The following TRPM4 variants were observed in gnomAD, a reference collection of about 807,000 sequenced individuals.
The protein encoded by TRPM4 is transient receptor potential cation channel subfamily M member 4.
A neutral mutation model predicts 135.6 loss-of-function variants in TRPM4; 124 were observed. That is an observed-to-expected ratio of 0.91 (90% confidence interval 0.79 to 1.06). The LOEUF (loss-of-function observed/expected upper bound fraction) is 1.06, where lower values mean the gene tolerates loss of function less well. Among genes scored for constraint, TRPM4 ranks in the 50% least tolerant of loss-of-function variants. TRPM4 has a pLI of 0.00. For synonymous variants in TRPM4, 745 were observed against 705.6 expected (o/e 1.06, Z -0.88); for missense variants, 1,658 against 1,671.4 (o/e 0.99, Z 0.14).
In TRPM4 at chr19:49,210,476, G is replaced by A. The variant is rs966420171; in HGVS notation, c.3328+71G>A. 12 of 1,560,522 alleles carry A rather than the reference G, an allele frequency of 7.7e-6. No homozygotes were observed. Among genetic ancestry groups the A allele is most frequent in the Non-Finnish European group, 4.4e-6 (5 of 1,145,606 alleles). On this transcript the variant is annotated intron_variant, in intron 21 of 24. Coordinates refer to ENST00000252826, the MANE Select transcript of TRPM4 (RefSeq NM_017636.4). The surrounding 1 kb of genome is among the most constrained non-coding windows in gnomAD (Gnocchi z 4.1). The stretch of plus-strand genomic sequence containing the variant: ...GAGCCTGGAAGGCGAGGGGAAGGGG[G>A]CATGCCCCAAATGACTAACGGGCGT...
intron 12 of TRPM4, 79 bp from the exon 13 acceptor site, chr19:49,188,562 T>G: frequency 6.2e-7 from 1 of 1,605,228 alleles, no homozygotes; most frequent in Non-Finnish European, 8.5e-7. Context: ...CCTCTGACTC[T>G]GTTCCTTCCC....
chr19:49,203,337 A>G (rs926028582), intron 20 of TRPM4, among the ~76,000 whole-genome samples: 5 of 148,466 alleles, frequency 3.4e-5, no homozygotes, highest in Non-Finnish European at 5.9e-5. Flanking sequence ...GCGCCACCAC[A>G]CCTGGCTAAT....
intron 17 of TRPM4, 73 bp downstream of exon 17, chr19:49,196,947 C>A: frequency 1.4e-6 from 2 of 1,430,510 alleles, no homozygotes; most frequent in Non-Finnish European, 9.3e-7. Context: ...CCGGGGTCTC[C>A]ACTCCCGGCT....
chr19:49,208,210 G>A (rs1428524222), intron 20 of TRPM4, among the ~76,000 whole-genome samples: 1 of 152,190 alleles, frequency 6.6e-6, no homozygotes, highest in Non-Finnish European at 1.5e-5. Flanking sequence ...TGAAACAGGA[G>A]TGTGACCGCT....
chr19:49,177,312 G>T lies in TRPM4; in HGVS notation c.1151-4037G>T, dbSNP rs1244608202. On this transcript the variant is annotated intron_variant, in intron 9 of 24. Transcript: ENST00000252826. ...GATGGAATTTCAGCAAGAAAGAAGG[G>T]CAAGGTCATGAATGCGTCTTTTTTT... Among the ~76,000 whole-genome samples the T allele has an allele frequency of 2.0e-5, 3 of 151,272 alleles. No homozygotes were observed. The East Asian group carries it at 5.8e-4, about 29-fold the overall frequency.
chr19:49,182,405 CA>C, intron 10 of TRPM4, 172 bp from the exon 11 acceptor site: 1 of 663,796 alleles, frequency 1.5e-6, no homozygotes, highest in East Asian at 2.8e-5. Context: ...CCCATCCATC[CA>C]TCTGTCCATC....
chr19:49,168,155 C>G (rs560752043), intron 4 of TRPM4, 58 bp downstream of exon 4: 3 of 1,592,806 alleles, frequency 1.9e-6, no homozygotes, highest in East Asian at 2.2e-5. Flanking sequence ...CCATCTCCCC[C>G]ACGACTGTGG....
At chr19:49,199,351 C>T (rs1188394689) in intron 17 of TRPM4, among the ~76,000 whole-genome samples, 1 of 152,138 alleles carries the variant, frequency 6.6e-6, no homozygotes, top group East Asian at 1.9e-4. Context: ...CTCCGCCTCC[C>T]GGGTTCACGC....
At chr19:49,163,687 G>T (rs73590077) in intron 2 of TRPM4, among the ~76,000 whole-genome samples, 2 of 152,052 alleles carry the variant, frequency 1.3e-5, no homozygotes, top group East Asian at 3.9e-4. Flanking sequence ...TAGGGATGGG[G>T]TCTCGCTCTA....
chr19:49,168,551 A>G lies in TRPM4; in HGVS notation c.613-2A>G. The G allele has an allele frequency of 4.3e-6, 7 of 1,613,632 alleles. No individual in the cohort carries two copies. The highest frequency in any genetic ancestry group is 5.1e-6 in the Non-Finnish European group (6 of 1,179,952). On this transcript the variant is annotated splice_acceptor_variant, in intron 5 of 24. Transcript: ENST00000252826. LOFTEE classifies it high-confidence loss of function. ...GCCCTGGTCTGGCCATTTTTCCCCT[A>G]GGGCTCGTTCCCTGCGAGGTACCGG...
chr19:49,159,029 T>A (rs1048837160), intron 2 of TRPM4: 2 of 34,232 alleles, frequency 5.8e-5, no homozygotes, highest in Non-Finnish European at 3.8e-4. Context: ...TTCTAGTTTT[T>A]TTTTTTTTTT....
chr19:49,197,959 G>A lies in TRPM4; in HGVS notation c.2645+1085G>A, dbSNP rs1002490969. Among the ~76,000 whole-genome samples, 6 of 152,080 alleles carry A rather than the reference G, an allele frequency of 3.9e-5. No individual in the cohort carries two copies. The South Asian group carries it at 1.2e-3, about 32-fold the overall frequency. ...TGGCCTTAGCCTCTGAAAGTGCTGA[G>A]ATTACAGATGTGGGTCACCGTGCCT... On this transcript the variant is annotated intron_variant, in intron 17 of 24. Transcript: ENST00000252826.
intron 16 of TRPM4, among the ~76,000 whole-genome samples, chr19:49,194,405 C>T (rs996749727): frequency 2.0e-5 from 3 of 151,992 alleles, no homozygotes; most frequent in South Asian, 2.1e-4. Context: ...ATGCTATGCT[C>T]GGCTAATTTT....
Position 49,182,811 on chromosome 19 carries a change from G to A in TRPM4, c.1497G>A (p.Arg499=), listed in dbSNP as rs755093920. Residue 499 remains arginine, a synonymous_variant, in exon 11 of 25, where the codon CGG becomes CGA. Coordinates refer to ENST00000252826, the MANE Select transcript of TRPM4 (RefSeq NM_017636.4). ...TAAAAGGGGGAGCTGCGGAGCTCCG[G>A]CCCCCTGACGTGGGGCATGTGCTGA... ...PALKGGAAEL[R]PPDVGHVLRM... is the part of the protein sequence containing the mutation. 1.2e-6 allele frequency: 2 copies of A among 1,613,266 alleles called. No homozygotes were observed. The highest frequency in any genetic ancestry group is 1.6e-4 in the Middle Eastern group (1 of 6,062).
At chr19:49,179,862 G>A (rs543824187) in intron 9 of TRPM4, among the ~76,000 whole-genome samples, 1 of 152,284 alleles carries the variant, frequency 6.6e-6, no homozygotes, top group East Asian at 1.9e-4. Flanking sequence ...GGTTACACTG[G>A]CCAAGCTGTA....
intron 19 of TRPM4, 68 bp from the exon 20 acceptor site, chr19:49,201,896 C>A (rs1228435435): frequency 1.3e-6 from 2 of 1,566,584 alleles, no homozygotes; most frequent in South Asian, 1.1e-5. Context: ...CCACCGCGCC[C>A]GGCAGTCTTC....
At chr19:49,198,190 A>G (rs534083555) in intron 17 of TRPM4, among the ~76,000 whole-genome samples, 1 of 152,312 alleles carries the variant, frequency 6.6e-6, no homozygotes, top group East Asian at 1.9e-4. Flanking sequence ...TTTGCAGAAC[A>G]CTAATACTTC....
intron 9 of TRPM4, among the ~76,000 whole-genome samples, chr19:49,180,199 C>A (rs1234225021): frequency 6.6e-6 from 1 of 152,120 alleles, no homozygotes; most frequent in Non-Finnish European, 1.5e-5. Context: ...CATGTCACGA[C>A]AAATGCCCTT....
intron 10 of TRPM4, 23 bp downstream of exon 10, chr19:49,181,484 T>A: frequency 6.5e-7 from 1 of 1,533,684 alleles, no homozygotes; most frequent in East Asian, 2.3e-5. Context: ...GGCCTGGGGG[T>A]TGGGCATACT....
Sources: allele counts gnomAD v4.1 joint callset (sites outside exome capture counted in the v4.1 genomes callset), GRCh38; gene constraint gnomAD v4.1.1; non-coding constraint Gnocchi (gnomAD v3.1); transcripts MANE v1.5; gene names NCBI Gene and HGNC (gene_info 2026-07-23, HGNC 2026-07-21).